PRKN: variants seen among roughly 807,000 people sequenced by gnomAD.
PRKN encodes E3 ubiquitin-protein ligase parkin.
In PRKN, 56 loss-of-function variants were observed where a neutral mutation model predicts 59.5. The ratio of observed to expected loss-of-function variants is 0.94; its 90% CI spans 0.76 to 1.18. The LOEUF is 1.18. Ranked by LOEUF, PRKN falls within the 50% of genes most tolerant of loss-of-function variation. The pLI is 0.00. For missense variants in PRKN, 657 were observed against 596.4 expected (o/e 1.10, Z -1.06); for synonymous variants, 250 against 222.1 (o/e 1.13, Z -1.12).
intron 7 of PRKN, among the ~76,000 whole-genome samples, chr6:161,631,711 T>G (rs1174297523): frequency 6.6e-6 from 1 of 152,104 alleles, no homozygotes; most frequent in Non-Finnish European, 1.5e-5. Context: ...TATCCTCCTC[T>G]TCTTACATTT....
chr6:162,213,305 G>A (rs2187213), intron 3 of PRKN, among the ~76,000 whole-genome samples: 66,757 of 151,962 alleles, frequency 0.44, 15,953 homozygotes, highest in East Asian at 0.68. Flanking sequence ...AGAAAATAAT[G>A]AAACAATCAA....
At position 161,373,343 on chromosome 6, in the gene PRKN, C is replaced by T. The variant is rs563012013; in HGVS notation, c.1168-13138G>A. ...CATTGACACAGAAAATTACCCATCA[C>T]AGCTAGGCTGAAACTCATGTTTAAG... On this transcript the variant is annotated intron_variant, in intron 10 of 11. Coordinates refer to ENST00000366898, the MANE Select transcript of PRKN (RefSeq NM_004562.3). This position sits in a 1 kb window ranked among gnomAD's most constrained non-coding sequence, Gnocchi z 4.8. Among the ~76,000 whole-genome samples, 4 of 152,268 alleles carry T rather than the reference C, an allele frequency of 2.6e-5. No individual in the cohort carries two copies. In the East Asian group the frequency reaches 7.8e-4, roughly 30 times the overall value.
At chr6:162,306,816 C>T (rs981479625) in intron 2 of PRKN, among the ~76,000 whole-genome samples, 3 of 152,120 alleles carry the variant, frequency 2.0e-5, no homozygotes, top group Non-Finnish European at 4.4e-5. Context: ...GAGCTAAGAG[C>T]AACTGTTTCA....
At chr6:162,526,739 A>T (rs1471898472) in intron 1 of PRKN, among the ~76,000 whole-genome samples, 1 of 152,212 alleles carries the variant, frequency 6.6e-6, no homozygotes, top group East Asian at 1.9e-4. Flanking sequence ...AAAGCTGCAT[A>T]AGAGAATAAC....
At chr6:162,339,544 G>A (rs1297591726) in intron 2 of PRKN, among the ~76,000 whole-genome samples, 3 of 136,444 alleles carry the variant, frequency 2.2e-5, no homozygotes, top group South Asian at 2.4e-4. Flanking sequence ...CCGGCCAGCC[G>A]CCCCGTCCGG....
intron 1 of PRKN, among the ~76,000 whole-genome samples, chr6:162,487,090 G>C (rs945199154): frequency 3.6e-4 from 54 of 151,506 alleles, no homozygotes; most frequent in African/African-American, 1.2e-3. Flanking sequence ...GAAAAGAAAA[G>C]TAGATTTTAA....
chr6:162,277,503 T>C (rs1008228651), intron 2 of PRKN, among the ~76,000 whole-genome samples: 1 of 152,098 alleles, frequency 6.6e-6, no homozygotes, highest in Non-Finnish European at 1.5e-5. Flanking sequence ...TAAAGATACA[T>C]GATAACTGAA....
At chr6:162,362,988 C>T (rs561166053) in intron 2 of PRKN, among the ~76,000 whole-genome samples, 35 of 151,470 alleles carry the variant, frequency 2.3e-4, no homozygotes, top group Non-Finnish European at 4.6e-4. Context: ...ATTAGCCAGG[C>T]GTCGTGGTGG....
chr6:161,794,968 T>G (rs558516065), intron 6 of PRKN, among the ~76,000 whole-genome samples: 11 of 152,106 alleles, frequency 7.2e-5, no homozygotes, highest in African/African-American at 2.7e-4. Context: ...CACTGCAAGC[T>G]CCGCCTCCCG....
intron 7 of PRKN, among the ~76,000 whole-genome samples, chr6:161,714,210 G>A (rs1409593188): frequency 1.3e-5 from 2 of 152,146 alleles, no homozygotes; most frequent in Non-Finnish European, 2.9e-5. Context: ...GCTGAAAAGA[G>A]GGGAAGAAAG....
Position 161,688,912 on chromosome 6 carries a change from C to CGAG in PRKN, c.871+96859_871+96860insCTC, listed in dbSNP as rs537205186. On this transcript the variant is annotated intron_variant, in intron 7 of 11. Transcript: ENST00000366898. Reference sequence around the variant, plus strand: ...GGAAACACAGAAATTTCAACCTCTGCTTCCGAGAAATGATTGCCAATTCAT... The same window carrying CGAG: ...GGAAACACAGAAATTTCAACCTCTGCGAGTTCCGAGAAATGATTGCCAATTCAT... Among the ~76,000 whole-genome samples the CGAG allele has an allele frequency of 2.1e-3, 322 of 152,266 alleles. 3 individuals are homozygous for CGAG. The highest frequency in any genetic ancestry group is 7.1e-3 in the African/African-American group (293 of 41,548).
intron 1 of PRKN, among the ~76,000 whole-genome samples, chr6:162,508,123 G>A (rs1227232244): frequency 6.6e-6 from 1 of 152,160 alleles, no homozygotes; most frequent in Non-Finnish European, 1.5e-5. Flanking sequence ...GAGGCAAAAG[G>A]CACTTCTTAC....
chr6:161,762,867 C>A (rs1395572216), intron 7 of PRKN, among the ~76,000 whole-genome samples: 1 of 152,086 alleles, frequency 6.6e-6, no homozygotes, highest in East Asian at 1.9e-4. Flanking sequence ...TCTTTCCTTT[C>A]CTGTAACATT....
intron 4 of PRKN, among the ~76,000 whole-genome samples, chr6:162,106,199 G>A (rs1780187162): frequency 6.6e-6 from 1 of 152,292 alleles, no homozygotes; most frequent in South Asian, 2.1e-4. Flanking sequence ...GATTAACAAT[G>A]GGAACAGGCT....
At chr6:162,251,704 C>T (rs1002502381) in intron 3 of PRKN, among the ~76,000 whole-genome samples, 8 of 152,060 alleles carry the variant, frequency 5.3e-5, no homozygotes, top group Non-Finnish European at 8.8e-5. Context: ...CATGCATAAA[C>T]GGGGATATAT....
intron 5 of PRKN, among the ~76,000 whole-genome samples, chr6:162,036,401 T>C (rs1486289111): frequency 6.6e-6 from 1 of 151,936 alleles, no homozygotes; most frequent in African/African-American, 2.4e-5. Flanking sequence ...TGTTTTGAGA[T>C]AGAGTTTCAC....
At chr6:161,769,317 G>A (rs1789564082) in intron 7 of PRKN, among the ~76,000 whole-genome samples, 1 of 152,142 alleles carries the variant, frequency 6.6e-6, no homozygotes, top group African/African-American at 2.4e-5. Flanking sequence ...TATACCATCT[G>A]ATTTATGACC....
chr6:162,579,715 C>A (rs1780711669), intron 1 of PRKN, among the ~76,000 whole-genome samples: 1 of 151,962 alleles, frequency 6.6e-6, no homozygotes, highest in Non-Finnish European at 1.5e-5. Context: ...ATTTCACACA[C>A]ACAAAATCAC....
chr6:162,278,339 TACTC>T (rs1423250008), intron 2 of PRKN, among the ~76,000 whole-genome samples: 3 of 152,078 alleles, frequency 2.0e-5, no homozygotes, highest in Non-Finnish European at 2.9e-5. Context: ...GCAGTGAAAA[TACTC>T]AGGGTGATAC....
Sources: gnomAD v4.1 joint callset for allele counts (sites outside exome capture counted in the v4.1 genomes callset) on GRCh38, gnomAD v4.1.1 for gene constraint, Gnocchi (gnomAD v3.1) non-coding constraint, MANE v1.5 for transcripts, NCBI Gene and HGNC (gene_info 2026-07-23, HGNC 2026-07-21) for gene names.